RANBP10: variants seen among roughly 807,000 people sequenced by gnomAD.
RANBP10 encodes RAN binding protein 10.
A neutral mutation model predicts 72.8 loss-of-function variants in RANBP10; 24 were observed. The ratio of observed to expected loss-of-function variants is 0.33; its 90% CI spans 0.24 to 0.46. The LOEUF is 0.46. Ranked by LOEUF, RANBP10 falls within the 20% of genes least tolerant of loss-of-function variation. The pLI is 1.00. For missense variants in RANBP10, 679 were observed against 817.5 expected (o/e 0.83, Z 2.07); for synonymous variants, 310 against 322.3 (o/e 0.96, Z 0.41).
chr16:67,740,611 A>C (rs1346642729), intron 4 of RANBP10, among the ~76,000 whole-genome samples: 1 of 152,070 alleles, frequency 6.6e-6, no homozygotes, highest in Non-Finnish European at 1.5e-5. Flanking sequence ...GCCAGCACAT[A>C]CCACATGCTT....
At chr16:67,728,210 T>G (rs1254227980) in intron 11 of RANBP10, among the ~76,000 whole-genome samples, 180 bp downstream of exon 11, 1 of 152,174 alleles carries the variant, frequency 6.6e-6, no homozygotes, top group Non-Finnish European at 1.5e-5. Context: ...GGCCAGGGCC[T>G]TCGTACATTT....
chr16:67,766,354 T>A (rs960151607), intron 3 of RANBP10, among the ~76,000 whole-genome samples: 1 of 152,182 alleles, frequency 6.6e-6, no homozygotes, highest in Non-Finnish European at 1.5e-5. Context: ...CTGCAATGAA[T>A]AACGGCAAGC....
At chr16:67,744,255 G>A (rs1238120746) in intron 4 of RANBP10, 33 bp downstream of exon 4, 2 of 1,599,566 alleles carry the variant, frequency 1.3e-6, no homozygotes, top group South Asian at 2.2e-5. Flanking sequence ...TGGCTCCACA[G>A]AGCAGAGCCT....
At chr16:67,756,645 G>A (rs2054290621) in intron 3 of RANBP10, among the ~76,000 whole-genome samples, 1 of 152,130 alleles carries the variant, frequency 6.6e-6, no homozygotes, top group Admixed American at 6.5e-5. Flanking sequence ...AGAGGTTGCA[G>A]TAAGCCAAAA....
At chr16:67,760,658 C>G (rs1366391308) in intron 3 of RANBP10, among the ~76,000 whole-genome samples, 1 of 152,224 alleles carries the variant, frequency 6.6e-6, no homozygotes, top group Non-Finnish European at 1.5e-5. Flanking sequence ...GTTCTTCCAG[C>G]TATTCCTTTT....
chr16:67,771,321 CT>C (rs1331552308), intron 3 of RANBP10, among the ~76,000 whole-genome samples: 2 of 151,900 alleles, frequency 1.3e-5, no homozygotes, highest in Non-Finnish European at 2.9e-5. Flanking sequence ...TGGGAGGTCA[CT>C]TAAAAACTTT....
chr16:67,741,847 G>A (rs989456442), intron 4 of RANBP10, among the ~76,000 whole-genome samples: 2 of 152,172 alleles, frequency 1.3e-5, no homozygotes, highest in African/African-American at 4.8e-5. Context: ...TGTAAAGTGG[G>A]GAAGGGATCG....
chr16:67,788,164 C>G (rs2054950770), intron 2 of RANBP10, among the ~76,000 whole-genome samples: 1 of 151,660 alleles, frequency 6.6e-6, no homozygotes, highest in South Asian at 2.1e-4. Context: ...TTCAGCCTCT[C>G]AAGTAGCTGG....
chr16:67,779,910 G>A (rs1247604670), intron 2 of RANBP10, among the ~76,000 whole-genome samples: 2 of 152,150 alleles, frequency 1.3e-5, no homozygotes, highest in Admixed American at 1.3e-4. Context: ...GTAAATGACA[G>A]GAGAAAGAGG....
At chr16:67,784,083 A>T (rs960473104) in intron 2 of RANBP10, among the ~76,000 whole-genome samples, 2 of 151,998 alleles carry the variant, frequency 1.3e-5, no homozygotes, top group Non-Finnish European at 2.9e-5. Flanking sequence ...AGGAAAAGAA[A>T]GTTATAGAGC....
chr16:67,802,827 C>A (rs1306559284), intron 2 of RANBP10, among the ~76,000 whole-genome samples: 2 of 152,110 alleles, frequency 1.3e-5, no homozygotes, highest in East Asian at 3.9e-4. Flanking sequence ...TTGAAAGAAT[C>A]CAGATCTCCA....
Position 67,788,626 on chromosome 16 carries a change from G to A in RANBP10, c.348-16540C>T, listed in dbSNP as rs539759240. 5.9e-5 allele frequency among the ~76,000 whole-genome samples: 9 copies of A among 151,664 alleles called. 1 individual carries two copies. Among genetic ancestry groups the A allele is most frequent in the Admixed American group, 4.6e-4 (7 of 15,234 alleles). On this transcript the variant is annotated intron_variant, in intron 2 of 13. Transcript: ENST00000317506. Reference sequence around the variant, plus strand: ...AGGATGGTCTTGATCTCCTGACCTCGTGATCTGCCTGCCTTGGCCTCCCAA... The same window carrying A: ...AGGATGGTCTTGATCTCCTGACCTCATGATCTGCCTGCCTTGGCCTCCCAA...
Position 67,726,297 on chromosome 16 carries a change from G to T in RANBP10, c.*131C>A. 1 of 1,373,490 alleles carries T rather than the reference G, an allele frequency of 7.3e-7. No individual in the cohort carries two copies. The highest frequency in any genetic ancestry group is 1.3e-5 in the South Asian group (1 of 78,220). 85.1% of individuals were successfully genotyped at this position (1,373,490 alleles called of 1,614,324 possible). A position where few individuals can be genotyped will look rare whatever the true frequency, so the allele number is the denominator to read the frequency against. On this transcript the variant is annotated 3_prime_UTR_variant, in exon 14 of 14. Coordinates refer to ENST00000317506, the MANE Select transcript of RANBP10 (RefSeq NM_020850.3). ...GAAGGAAGGAAGGAAAGGGAGAGGG[G>T]GAAAGGCCAGGCAGGAGGAGTGGAC...
At chr16:67,733,457 G>C (rs572915921) in intron 6 of RANBP10, among the ~76,000 whole-genome samples, 1 of 152,200 alleles carries the variant, frequency 6.6e-6, no homozygotes. Flanking sequence ...ATCTACAAGA[G>C]GGTTACCTAC....
intron 2 of RANBP10, among the ~76,000 whole-genome samples, chr16:67,784,900 C>T (rs1453830448): frequency 6.6e-6 from 1 of 151,024 alleles, no homozygotes; most frequent in East Asian, 1.9e-4. Context: ...CTGGCACTGG[C>T]CCAGTAGCAC....
intron 4 of RANBP10, among the ~76,000 whole-genome samples, chr16:67,743,861 C>T (rs1366521511): frequency 6.6e-6 from 1 of 152,188 alleles, no homozygotes. Context: ...TATCTGACTC[C>T]CACCTGTCTG....
Position 67,727,841 on chromosome 16 carries a change from C to G in RANBP10, c.1530G>C (p.Arg510Ser). 6.2e-7 allele frequency: 1 copy of G among 1,614,148 alleles called. No homozygotes were observed. The change falls in exon 12 of 14, where the codon AGG becomes AGC. Residue 510 changes from arginine (R) to serine (S), a missense_variant. By Grantham distance (110) the Arg-to-Ser change is moderately radical (BLOSUM62 -1). Transcript: ENST00000317506. ...GCAACTCGCGGCCAAACAGAATGATCCTTTCTGTGGCAGCCTGGTTGCCCC... is the reference window on the plus strand; with the variant it reads ...GCAACTCGCGGCCAAACAGAATGATGCTTTCTGTGGCAGCCTGGTTGCCCC... ...LCGGNQAATE[R>S]IILFGRELQA... is the part of the protein sequence containing the mutation.
At chr16:67,728,328 G>T (rs2143000749) in intron 11 of RANBP10, 62 bp downstream of exon 11, 2 of 1,571,086 alleles carry the variant, frequency 1.3e-6, no homozygotes, top group Non-Finnish European at 8.7e-7. Flanking sequence ...CCTCCCAGGG[G>T]AAGAGGGCAC....
intron 2 of RANBP10, among the ~76,000 whole-genome samples, chr16:67,792,871 G>A (rs1000596536): frequency 2.6e-5 from 4 of 151,934 alleles, no homozygotes; most frequent in Admixed American, 6.6e-5. Context: ...TATGGGTCAG[G>A]AGACCCTCAT....
Sources: allele counts gnomAD v4.1 joint callset (sites outside exome capture counted in the v4.1 genomes callset), GRCh38; gene constraint gnomAD v4.1.1; transcripts MANE v1.5; gene names NCBI Gene and HGNC (gene_info 2026-07-23, HGNC 2026-07-21).